CATSPERB: variants seen among roughly 807,000 people sequenced by gnomAD.
The protein encoded by CATSPERB is cation channel sperm-associated auxiliary subunit beta.
In CATSPERB, 93 loss-of-function variants were observed where a neutral mutation model predicts 128.3. The observed-to-expected ratio is 0.72, with a 90% CI of 0.61 to 0.86. CATSPERB has a LOEUF of 0.86. CATSPERB is among the 40% of genes least tolerant of loss of function. CATSPERB has a pLI of 0.00. For missense variants in CATSPERB, 1,153 were observed against 1,329.5 expected, an observed-to-expected ratio of 0.87 and a Z score of 2.06; for synonymous variants, 381 against 448.8, an observed-to-expected ratio of 0.85 and a Z score of 1.91.
intron 15 of CATSPERB, among the ~76,000 whole-genome samples, chr14:91,656,046 T>G (rs1213260141): frequency 1.3e-5 from 2 of 152,144 alleles, no homozygotes; most frequent in Non-Finnish European, 2.9e-5. Flanking sequence ...ATGACGTATA[T>G]TTTTTAAAAC....
At chr14:91,639,854 C>G (rs998081479) in intron 15 of CATSPERB, among the ~76,000 whole-genome samples, 1 of 152,138 alleles carries the variant, frequency 6.6e-6, no homozygotes, top group Non-Finnish European at 1.5e-5. Flanking sequence ...AATTTCTGCA[C>G]ACTGCATCCC....
At chr14:91,688,917 G>A (rs898356829) in intron 10 of CATSPERB, among the ~76,000 whole-genome samples, 2 of 152,118 alleles carry the variant, frequency 1.3e-5, no homozygotes, top group Non-Finnish European at 2.9e-5. Context: ...ATCCACCAGC[G>A]ACTCTAGTTT....
chr14:91,695,522 C>T (rs939914338), intron 7 of CATSPERB, among the ~76,000 whole-genome samples: 5 of 152,140 alleles, frequency 3.3e-5, no homozygotes, highest in African/African-American at 1.2e-4. Context: ...TTAATGGAGA[C>T]ATCATAAAAT....
chr14:91,603,276 CCTT>C, intron 22 of CATSPERB: 2 of 1,251,258 alleles, frequency 1.6e-6, no homozygotes, highest in South Asian at 2.4e-5. Flanking sequence ...ATATTATTCA[CCTT>C]CTCCTGTCTT....
At chr14:91,665,597 T>C (rs10147895) in intron 14 of CATSPERB, among the ~76,000 whole-genome samples, 60,112 of 151,946 alleles carry the variant, frequency 0.4, 12,051 homozygotes, top group Middle Eastern at 0.54. Context: ...TGGCTGGGTG[T>C]GGTGGCTTAT....
At chr14:91,627,111 A>G (rs1029404840) in intron 17 of CATSPERB, among the ~76,000 whole-genome samples, 3 of 152,260 alleles carry the variant, frequency 2.0e-5, no homozygotes, top group Non-Finnish European at 4.4e-5. Flanking sequence ...ACCAATTAGT[A>G]AAGATTTTTA....
At chr14:91,633,193 T>C (rs1223075765) in intron 17 of CATSPERB, among the ~76,000 whole-genome samples, 1 of 152,212 alleles carries the variant, frequency 6.6e-6, no homozygotes, top group Non-Finnish European at 1.5e-5. Flanking sequence ...ATTAAGTAAA[T>C]GTGTATGCTT....
intron 10 of CATSPERB, among the ~76,000 whole-genome samples, chr14:91,690,715 G>A (rs899433225): frequency 1.3e-5 from 2 of 152,202 alleles, no homozygotes; most frequent in Non-Finnish European, 2.9e-5. Context: ...AGAAATAAAT[G>A]TTCCTTTCTC....
At chr14:91,625,139 C>A in intron 17 of CATSPERB, 132 bp from the exon 18 acceptor site, 1 of 588,116 alleles carries the variant, frequency 1.7e-6, no homozygotes, top group Non-Finnish European at 2.9e-6. Context: ...TTTGTTCAAC[C>A]CCATTAGTAA....
In CATSPERB at chr14:91,610,571, T is replaced by G. The variant is rs1459900672; in HGVS notation, c.2507A>C (p.His836Pro). ...TGGGATAAATTTGCTAGGAATGTGA[T>G]GCATAGATCTGAGATAACTACAGCT... ...KSSCSYLRSM[H>P]HIPSKFIPFE... Residue 836 changes from histidine to proline, a missense_variant, in exon 21 of 27, where the codon CAT becomes CCT. Physicochemically the swap from His to Pro is moderately conservative, Grantham distance 77. Coordinates refer to ENST00000256343, the MANE Select transcript of CATSPERB (RefSeq NM_024764.4). The G allele has an allele frequency of 4.3e-6, 7 of 1,613,958 alleles. No homozygotes were observed. Among genetic ancestry groups the G allele is most frequent in the African/African-American group, 1.3e-5 (1 of 74,914 alleles).
intron 17 of CATSPERB, among the ~76,000 whole-genome samples, chr14:91,631,551 G>C (rs1312118807): frequency 1.3e-5 from 2 of 152,088 alleles, no homozygotes; most frequent in Non-Finnish European, 2.9e-5. Context: ...TGTAATCCCA[G>C]CTACTTGGGA....
At chr14:91,696,349 A>G (rs1025856485) in intron 7 of CATSPERB, among the ~76,000 whole-genome samples, 2 of 152,252 alleles carry the variant, frequency 1.3e-5, no homozygotes, top group Non-Finnish European at 2.9e-5. Flanking sequence ...CAAGAAAGCT[A>G]AAAGAAGAAA....
At chr14:91,627,866 T>C (rs1417466006) in intron 17 of CATSPERB, among the ~76,000 whole-genome samples, 2 of 152,154 alleles carry the variant, frequency 1.3e-5, no homozygotes, top group African/African-American at 2.4e-5. Context: ...TAGTCCCAGC[T>C]ACATGGGAGG....
Position 91,617,596 on chromosome 14 carries a change from C to A in CATSPERB, c.2400+1G>T. On this transcript the variant is annotated splice_donor_variant, in intron 20 of 26. Transcript: ENST00000256343. LOFTEE classifies it high-confidence loss of function. ...TGTTTTGTAAATGAAGAAAATCCTA[C>A]CTGATGTAAAACTTTGCTAGCTGCA... 6.4e-7 allele frequency: 1 copy of A among 1,571,416 alleles called. No individual in the cohort carries two copies. The highest frequency in any genetic ancestry group is 1.2e-5 in the South Asian group (1 of 82,640).
chr14:91,638,508 C>A (rs1263825160), intron 16 of CATSPERB, among the ~76,000 whole-genome samples: 1 of 151,916 alleles, frequency 6.6e-6, no homozygotes, highest in African/African-American at 2.4e-5. Context: ...TCAGCCTCAA[C>A]TTCCCAGGTT....
intron 15 of CATSPERB, among the ~76,000 whole-genome samples, chr14:91,647,704 C>A (rs530901803): frequency 6.6e-6 from 1 of 152,062 alleles, no homozygotes; most frequent in Non-Finnish European, 1.5e-5. Flanking sequence ...ATCACCAGAA[C>A]AGCACGGGAA....
chr14:91,668,714 C>A (rs565270416), intron 14 of CATSPERB, among the ~76,000 whole-genome samples: 1 of 151,710 alleles, frequency 6.6e-6, no homozygotes, highest in Non-Finnish European at 1.5e-5. Flanking sequence ...ACAAACCCAC[C>A]GGGAGGAACA....
intron 14 of CATSPERB, among the ~76,000 whole-genome samples, chr14:91,660,272 T>C (rs1280258274): frequency 1.3e-5 from 2 of 152,224 alleles, no homozygotes; most frequent in Non-Finnish European, 2.9e-5. Flanking sequence ...AACAAAGTTA[T>C]TCCTATGATC....
chr14:91,628,497 G>A (rs139039586), intron 17 of CATSPERB, among the ~76,000 whole-genome samples: 73 of 152,232 alleles, frequency 4.8e-4, no homozygotes, highest in Middle Eastern at 6.8e-3. Flanking sequence ...TAATCCCCAC[G>A]TGTCAAGGGA....
Sources: gnomAD v4.1 joint callset for allele counts (sites outside exome capture counted in the v4.1 genomes callset) on GRCh38, gnomAD v4.1.1 for gene constraint, MANE v1.5 for transcripts, NCBI Gene and HGNC (gene_info 2026-07-23, HGNC 2026-07-21) for gene names.